FAM78B: variants seen among roughly 807,000 people sequenced by gnomAD.
The protein encoded by FAM78B is protein FAM78B.
Under a neutral mutation model 20.0 loss-of-function variants are expected in FAM78B, and 10 were observed. The ratio of observed to expected loss-of-function variants is 0.50; its 90% CI spans 0.31 to 0.85. The LOEUF is 0.85. Ranked by LOEUF, FAM78B falls within the 40% of genes least tolerant of loss-of-function variation. FAM78B has a pLI of 0.05. For missense variants in FAM78B, 283 were observed against 345.0 expected (o/e 0.82, Z 1.42); for synonymous variants, 135 against 132.8 (o/e 1.02, Z -0.12).
chr1:166,080,224 C>A (rs931247320), intron 1 of FAM78B, among the ~76,000 whole-genome samples: 1 of 152,158 alleles, frequency 6.6e-6, no homozygotes, highest in African/African-American at 2.4e-5. Flanking sequence ...CTGATACACA[C>A]TGCTATGACC....
At chr1:166,140,886 A>G (rs1655252132) in intron 1 of FAM78B, among the ~76,000 whole-genome samples, 1 of 152,220 alleles carries the variant, frequency 6.6e-6, no homozygotes, top group Non-Finnish European at 1.5e-5. Flanking sequence ...TGCTCTCAAA[A>G]CAACCCTGTG....
intron 1 of FAM78B, among the ~76,000 whole-genome samples, chr1:166,078,475 T>C (rs182321170): frequency 3.3e-5 from 5 of 152,332 alleles, no homozygotes; most frequent in Admixed American, 1.3e-4. Flanking sequence ...AATGAAAACA[T>C]TGATTATGGC....
chr1:166,069,474 T>TAAC lies in FAM78B; in HGVS notation c.*764_*766dup, dbSNP rs1042032279. 2.6e-5 allele frequency: 4 copies of TAAC among 152,156 alleles called. No individual in the cohort carries two copies. Among genetic ancestry groups the TAAC allele is most frequent in the Non-Finnish European group, 2.9e-5 (2 of 68,026 alleles). The allele number at this position is 152,156 out of a possible 1,614,324, so 9.4% of individuals were successfully genotyped here. A position where few individuals can be genotyped will look rare whatever the true frequency, so the allele number is the denominator to read the frequency against. On this transcript the variant is annotated 3_prime_UTR_variant, in exon 2 of 2. Transcript: ENST00000354422. Reference sequence around the variant, plus strand: ...AACATGGACAGGGCCCCAAATATCATAACTATTGCAGAATGTGGGAATTAC... The same window carrying TAAC: ...AACATGGACAGGGCCCCAAATATCATAACAACTATTGCAGAATGTGGGAATTAC...
At chr1:166,155,964 C>T (rs981761275) in intron 1 of FAM78B, among the ~76,000 whole-genome samples, 1 of 152,204 alleles carries the variant, frequency 6.6e-6, no homozygotes, top group African/African-American at 2.4e-5. Flanking sequence ...CCTGTACCTG[C>T]CGCCACACAT....
chr1:166,105,274 C>G (rs1653722620), intron 1 of FAM78B, among the ~76,000 whole-genome samples: 1 of 152,184 alleles, frequency 6.6e-6, no homozygotes, highest in Non-Finnish European at 1.5e-5. Context: ...CTAGGCAATA[C>G]CAGTCAGCAC....
At chr1:166,149,044 T>C (rs867780191) in intron 1 of FAM78B, among the ~76,000 whole-genome samples, 2 of 152,110 alleles carry the variant, frequency 1.3e-5, no homozygotes. Context: ...CAGTCTATCA[T>C]TGTTGGACAT....
At chr1:166,150,611 CAA>C (rs1655637508) in intron 1 of FAM78B, among the ~76,000 whole-genome samples, 1 of 152,118 alleles carries the variant, frequency 6.6e-6, no homozygotes, top group Non-Finnish European at 1.5e-5. Flanking sequence ...GAAAAAACTG[CAA>C]AAAGAGTTAC....
chr1:166,149,596 T>C (rs993144770), intron 1 of FAM78B, among the ~76,000 whole-genome samples: 1 of 152,214 alleles, frequency 6.6e-6, no homozygotes, highest in Non-Finnish European at 1.5e-5. Flanking sequence ...TTTTCTCTCA[T>C]TACATGGAGA....
chr1:166,057,029 C>T (rs1651372374), downstream of FAM78B, among the ~76,000 whole-genome samples: 2 of 152,202 alleles, frequency 1.3e-5, no homozygotes, highest in South Asian at 2.1e-4. Context: ...AAAACAGGGC[C>T]TCCCCAGTCA....
intron 1 of FAM78B, among the ~76,000 whole-genome samples, chr1:166,130,597 G>C (rs1236640114): frequency 6.6e-6 from 1 of 152,164 alleles, no homozygotes; most frequent in Non-Finnish European, 1.5e-5. Context: ...CTACAATACA[G>C]AGGACAGCCC....
intron 2 of FAM78B, among the ~76,000 whole-genome samples, chr1:166,062,118 T>A (rs1195488279): frequency 1.3e-5 from 2 of 152,192 alleles, no homozygotes; most frequent in Non-Finnish European, 2.9e-5. Context: ...GAGCTCTCCA[T>A]CAAATGTGCT....
At chr1:166,106,968 A>G (rs1226038333) in intron 1 of FAM78B, among the ~76,000 whole-genome samples, 1 of 152,156 alleles carries the variant, frequency 6.6e-6, no homozygotes, top group African/African-American at 2.4e-5. Context: ...ATAATGACAC[A>G]ACCTACCGAA....
chr1:166,102,375 A>C (rs1311984700), intron 1 of FAM78B, among the ~76,000 whole-genome samples: 2 of 152,214 alleles, frequency 1.3e-5, no homozygotes, highest in Non-Finnish European at 2.9e-5. Context: ...CGTAAATGTA[A>C]ATGGGCTAAA....
At chr1:166,116,892 C>T (rs1243047531) in intron 1 of FAM78B, among the ~76,000 whole-genome samples, 1 of 152,180 alleles carries the variant, frequency 6.6e-6, no homozygotes, top group Non-Finnish European at 1.5e-5. Flanking sequence ...CTTCCAGCTC[C>T]AGCCTTCTAG....
intron 1 of FAM78B, among the ~76,000 whole-genome samples, chr1:166,156,365 G>C (rs79780001): frequency 0.016 from 2,418 of 152,250 alleles, 66 homozygotes; most frequent in African/African-American, 0.055. Context: ...GTCTGAGCCA[G>C]AGGTGCCCAA....
intron 1 of FAM78B, among the ~76,000 whole-genome samples, chr1:166,102,191 A>G (rs958019355): frequency 3.9e-5 from 6 of 152,244 alleles, no homozygotes; most frequent in Non-Finnish European, 7.3e-5. Context: ...GCCTGCCCTA[A>G]AAGAGCTCCT....
chr1:166,119,341 A>G (rs1019795681), intron 1 of FAM78B, among the ~76,000 whole-genome samples: 2 of 152,222 alleles, frequency 1.3e-5, no homozygotes, highest in African/African-American at 4.8e-5. Flanking sequence ...TACAAACACC[A>G]AAACATATGA....
intron 1 of FAM78B, among the ~76,000 whole-genome samples, chr1:166,088,491 A>G (rs558653371): frequency 1.3e-5 from 2 of 152,270 alleles, no homozygotes; most frequent in South Asian, 2.1e-4. Flanking sequence ...CAGCAGCATG[A>G]CTGTCACGAA....
At chr1:166,109,866 GTGTATATA>G (rs1557903263) in intron 1 of FAM78B, among the ~76,000 whole-genome samples, 2 of 17,160 alleles carry the variant, frequency 1.2e-4, no homozygotes, top group Non-Finnish European at 2.4e-4. Context: ...ATATATGTAT[GTGTATATA>G]TATATATGTA....
Sources: allele counts gnomAD v4.1 joint callset (sites outside exome capture counted in the v4.1 genomes callset), GRCh38; gene constraint gnomAD v4.1.1; transcripts MANE v1.5; gene names NCBI Gene and HGNC (gene_info 2026-07-23, HGNC 2026-07-21).